The following EYA2 variants were observed in gnomAD, a reference collection of about 807,000 sequenced individuals.
EYA2 encodes the protein protein phosphatase EYA2.
A neutral mutation model predicts 69.2 loss-of-function variants in EYA2; 31 were observed. The observed-to-expected ratio is 0.45, with a 90% CI of 0.34 to 0.60. The LOEUF (loss-of-function observed/expected upper bound fraction) is 0.60, where lower values mean the gene tolerates loss of function less well. Among genes scored for constraint, EYA2 ranks in the 20% least tolerant of loss-of-function variants. The pLI is 0.02. For synonymous variants in EYA2, 257 were observed against 279.4 expected, an observed-to-expected ratio of 0.92 and a Z score of 0.80; for missense variants, 622 against 701.2, an observed-to-expected ratio of 0.89 and a Z score of 1.28.
chr20:47,183,212 A>G (rs8124918), intron 14 of EYA2, 79 bp from the exon 15 acceptor site: 649,726 of 1,350,978 alleles, frequency 0.48, 161,483 homozygotes, highest in African/African-American at 0.8. Flanking sequence ...TGCAGGCACC[A>G]AGCTCTTAAT....
rs137984272 is a variant in EYA2 at position 47,054,736 on chromosome 20, G to A, written c.416-17449G>A. 9.8e-4 allele frequency among the ~76,000 whole-genome samples: 149 copies of A among 152,202 alleles called. 1 individual carries two copies. The East Asian group carries it at 0.021, about 22-fold the overall frequency. ...TGTGTGACTCCGGGACTCACTTGGG[G>A]GACATGCAGCCAGTCTCCTAGCTAT... On this transcript the variant is annotated intron_variant, in intron 5 of 15. Coordinates refer to ENST00000327619, the MANE Select transcript of EYA2 (RefSeq NM_005244.5).
At chr20:46,959,546 C>G (rs149189632) in intron 1 of EYA2, among the ~76,000 whole-genome samples, 1 of 152,314 alleles carries the variant, frequency 6.6e-6, no homozygotes, top group East Asian at 1.9e-4. Context: ...GAACTTTATT[C>G]CATTCCCGCC....
chr20:47,028,841 TG>T (rs1325113801), intron 5 of EYA2, among the ~76,000 whole-genome samples: 1 of 152,132 alleles, frequency 6.6e-6, no homozygotes, highest in Non-Finnish European at 1.5e-5. Flanking sequence ...GGTGGCCCTG[TG>T]GCAAACTAAG....
intron 8 of EYA2, among the ~76,000 whole-genome samples, chr20:47,094,523 A>G (rs904955122): frequency 6.6e-6 from 1 of 152,234 alleles, no homozygotes; most frequent in Non-Finnish European, 1.5e-5. Context: ...TTTTCATTCT[A>G]GATATTTCTC....
At chr20:46,966,145 T>G (rs1298275487) in intron 1 of EYA2, among the ~76,000 whole-genome samples, 1 of 152,194 alleles carries the variant, frequency 6.6e-6, no homozygotes, top group African/African-American at 2.4e-5. Flanking sequence ...TTCTTTTTCT[T>G]TTTTGGGATG....
At chr20:46,903,870 C>T (rs951636592) in intron 1 of EYA2, among the ~76,000 whole-genome samples, 6 of 152,036 alleles carry the variant, frequency 3.9e-5, no homozygotes, top group African/African-American at 1.4e-4. Context: ...TTCATAGTGC[C>T]ATTGTGAGAA....
rs11431747 is a variant in EYA2 at position 47,019,805 on chromosome 20, CA to C, written c.415+3522del. On this transcript the variant is annotated intron_variant, in intron 5 of 15. Coordinates refer to ENST00000327619, the MANE Select transcript of EYA2 (RefSeq NM_005244.5). The stretch of plus-strand genomic sequence containing the variant: ...GGAAACCTGGTGAAACCCATCTCTA[CA>C]AAAAAAAAAAAAATTATCTGGGCAT... Among the ~76,000 whole-genome samples, 679 of 137,044 alleles carry C rather than the reference CA, an allele frequency of 5.0e-3. 3 individuals carry two copies. The highest frequency in any genetic ancestry group is 0.014 in the African/African-American group (537 of 37,072). 89.9% of individuals were successfully genotyped at this position (137,044 alleles called of 152,430 possible).
chr20:47,020,193 T>C (rs1983666250), intron 5 of EYA2, among the ~76,000 whole-genome samples: 1 of 152,136 alleles, frequency 6.6e-6, no homozygotes, highest in Admixed American at 6.6e-5. Flanking sequence ...GGGGCTCACC[T>C]CATCATTTTA....
intron 10 of EYA2, among the ~76,000 whole-genome samples, chr20:47,154,221 G>A (rs533992226): frequency 5.3e-5 from 8 of 152,086 alleles, no homozygotes; most frequent in African/African-American, 1.7e-4. Flanking sequence ...GCATGTACAT[G>A]GAGAGAGAGC....
intron 1 of EYA2, among the ~76,000 whole-genome samples, chr20:46,915,607 C>T (rs920161973): frequency 1.3e-5 from 2 of 152,168 alleles, no homozygotes; most frequent in Non-Finnish European, 2.9e-5. Flanking sequence ...GCTGCAGCCA[C>T]CTCTACCCTA....
At chr20:47,037,582 G>C (rs1002791253) in intron 5 of EYA2, among the ~76,000 whole-genome samples, 4 of 152,192 alleles carry the variant, frequency 2.6e-5, no homozygotes, top group African/African-American at 9.7e-5. Context: ...CATCAGCAGA[G>C]CTTCTGGAGC....
At chr20:47,138,770 A>G (rs550037295) in intron 9 of EYA2, among the ~76,000 whole-genome samples, 4 of 152,154 alleles carry the variant, frequency 2.6e-5, no homozygotes, top group African/African-American at 9.6e-5. Context: ...AAAATCTAGA[A>G]TATTCTAGAT....
Position 47,000,360 on chromosome 20 carries a change from A to G in EYA2, c.110-1068A>G, listed in dbSNP as rs192975238. Among the ~76,000 whole-genome samples, 176 of 152,290 alleles carry G rather than the reference A, an allele frequency of 1.2e-3. 2 individuals carry two copies. Among genetic ancestry groups the G allele is most frequent in the African/African-American group, 4.1e-3 (169 of 41,564 alleles). On this transcript the variant is annotated intron_variant, in intron 2 of 15. Transcript: ENST00000327619. ...GATCTAGGAACTTGCCTGAAGTCTC[A>G]TAACTAGGAAGTGGCAGAGTTGCAA...
chr20:46,944,384 C>T (rs948449604), intron 1 of EYA2, among the ~76,000 whole-genome samples: 1 of 152,138 alleles, frequency 6.6e-6, no homozygotes, highest in Non-Finnish European at 1.5e-5. Flanking sequence ...GGTGCAGCCT[C>T]GGTCTCCTCA....
rs553125176 is a variant in EYA2 at position 47,026,483 on chromosome 20, C to T, written c.415+10186C>T. On this transcript the variant is annotated intron_variant, in intron 5 of 15. Coordinates refer to ENST00000327619, the MANE Select transcript of EYA2 (RefSeq NM_005244.5). ...CAAAGAACACCAGAAGTCAAAACAA[C>T]AAAACAAATGACAAAAAACAAGCAA... Among the ~76,000 whole-genome samples the T allele has an allele frequency of 5.1e-4, 75 of 148,214 alleles. 1 individual carries two copies. Among genetic ancestry groups the T allele is most frequent in the Middle Eastern group, 6.9e-3 (2 of 290 alleles).
At chr20:46,967,516 G>C (rs1206777) in intron 1 of EYA2, among the ~76,000 whole-genome samples, 1 of 152,070 alleles carries the variant, frequency 6.6e-6, no homozygotes, top group African/African-American at 2.4e-5. Flanking sequence ...AAGGCTTCCT[G>C]GAAGCAGTGA....
chr20:47,057,191 C>T (rs1256004115), intron 5 of EYA2, among the ~76,000 whole-genome samples: 1 of 137,634 alleles, frequency 7.3e-6, no homozygotes, highest in Non-Finnish European at 1.6e-5. Context: ...GGAATCTCAG[C>T]ACGTACTAGG....
chr20:46,901,268 GAAAATAAA>G (rs1012012136), intron 1 of EYA2: 2 of 152,180 alleles, frequency 1.3e-5, no homozygotes, highest in African/African-American at 4.8e-5. Context: ...GTCAGAAGCT[GAAAATAAA>G]ATGAAATGAA....
intron 1 of EYA2, among the ~76,000 whole-genome samples, chr20:46,973,328 A>G (rs929757277): frequency 6.6e-6 from 1 of 152,244 alleles, no homozygotes; most frequent in Non-Finnish European, 1.5e-5. Flanking sequence ...AAGAGTCTGT[A>G]TAAAAAGGAG....
Sources: gnomAD v4.1 joint callset for allele counts (sites outside exome capture counted in the v4.1 genomes callset) on GRCh38, gnomAD v4.1.1 for gene constraint, MANE v1.5 for transcripts, NCBI Gene and HGNC (gene_info 2026-07-23, HGNC 2026-07-21) for gene names.